NRG1: variants seen among roughly 807,000 people sequenced by gnomAD.
The protein encoded by NRG1 is neuregulin 1, also known as pro-neuregulin-1, membrane-bound isoform.
A neutral mutation model predicts 63.8 loss-of-function variants in NRG1; 18 were observed. The ratio of observed to expected loss-of-function variants is 0.28; its 90% CI spans 0.19 to 0.42. The LOEUF is 0.42. Ranked by LOEUF, NRG1 falls within the 10% of genes least tolerant of loss-of-function variation. The pLI is 1.00. For synonymous variants in NRG1, 302 were observed against 301.3 expected (o/e 1.00, Z -0.02); for missense variants, 762 against 814.7 (o/e 0.94, Z 0.79).
At chr8:32,335,735 T>A (rs1438345685) in intron 1 of NRG1, among the ~76,000 whole-genome samples, 1 of 152,100 alleles carries the variant, frequency 6.6e-6, no homozygotes, top group Non-Finnish European at 1.5e-5. Flanking sequence ...CTGTCTGTTA[T>A]TACCTTGCTT....
intron 1 of NRG1, among the ~76,000 whole-genome samples, chr8:31,824,790 C>T (rs1364239418): frequency 6.6e-6 from 1 of 152,130 alleles, no homozygotes; most frequent in African/African-American, 2.4e-5. Flanking sequence ...GTTAAATTTG[C>T]AGTGAGTTTC....
intron 1 of NRG1, among the ~76,000 whole-genome samples, chr8:32,316,566 C>G (rs1857420369): frequency 1.3e-5 from 2 of 151,894 alleles, no homozygotes; most frequent in South Asian, 4.2e-4. Context: ...CAAATCTTCT[C>G]TCTCTCGTTT....
intron 5 of NRG1, among the ~76,000 whole-genome samples, chr8:32,628,730 GC>G (rs1440780373): frequency 1.4e-5 from 2 of 147,644 alleles, no homozygotes; most frequent in East Asian, 2.0e-4. Flanking sequence ...AAAACTTTCT[GC>G]CCTTTTTTTT....
chr8:32,150,999 C>G (rs1480932621), intron 1 of NRG1, among the ~76,000 whole-genome samples: 1 of 152,050 alleles, frequency 6.6e-6, no homozygotes, highest in Non-Finnish European at 1.5e-5. Context: ...CAGCTGTCAA[C>G]TAGGATAGGG....
At chr8:31,886,587 G>C (rs941135815) in intron 1 of NRG1, among the ~76,000 whole-genome samples, 5 of 152,090 alleles carry the variant, frequency 3.3e-5, no homozygotes, top group African/African-American at 1.2e-4. Context: ...AGGATAATCA[G>C]CTCCAGCCAT....
At chr8:32,287,070 CT>C (rs1444197626) in intron 1 of NRG1, 11 of 152,316 alleles carry the variant, frequency 7.2e-5, no homozygotes, top group African/African-American at 2.6e-4. Flanking sequence ...GCCAAATAAA[CT>C]TATTTTCTTT....
At chr8:32,433,059 G>A (rs545295366) in intron 1 of NRG1, among the ~76,000 whole-genome samples, 1 of 152,166 alleles carries the variant, frequency 6.6e-6, no homozygotes, top group Admixed American at 6.6e-5. Flanking sequence ...AGGGGCTCTT[G>A]CACATGGCAC....
At chr8:32,283,186 C>A (rs987971878) in intron 1 of NRG1, among the ~76,000 whole-genome samples, 1 of 152,094 alleles carries the variant, frequency 6.6e-6, no homozygotes, top group African/African-American at 2.4e-5. Context: ...AGTAAAATAT[C>A]ATTTTGTTGT....
At chr8:31,898,032 A>AG (rs1189805900) in intron 1 of NRG1, among the ~76,000 whole-genome samples, 2 of 151,620 alleles carry the variant, frequency 1.3e-5, no homozygotes, top group African/African-American at 4.8e-5. Context: ...AAAAAAAAAA[A>AG]AAAGAGAGAG....
chr8:31,909,137 TGGC>T (rs1832749186), intron 1 of NRG1, among the ~76,000 whole-genome samples: 1 of 152,314 alleles, frequency 6.6e-6, no homozygotes, highest in East Asian at 1.9e-4. Flanking sequence ...TTGGCTTTAT[TGGC>T]CTTTAATATC....
intron 1 of NRG1, among the ~76,000 whole-genome samples, chr8:32,175,679 C>T (rs554918148): frequency 2.6e-5 from 4 of 152,200 alleles, no homozygotes; most frequent in East Asian, 3.9e-4. Flanking sequence ...GCATTCTTAT[C>T]CACCCATAAC....
intron 1 of NRG1, among the ~76,000 whole-genome samples, chr8:32,551,910 C>CTT (rs34051371): frequency 0.018 from 2,067 of 112,120 alleles, 67 homozygotes; most frequent in Middle Eastern, 0.04. Context: ...AAAACCAGAG[C>CTT]TTTTTTTTTT....
At chr8:32,698,579 A>T (rs1488178740) in intron 5 of NRG1, among the ~76,000 whole-genome samples, 1 of 152,170 alleles carries the variant, frequency 6.6e-6, no homozygotes, top group African/African-American at 2.4e-5. Context: ...CATTCACGGG[A>T]AGGAAGAAAG....
At chr8:32,655,315 G>C (rs1433583528) in intron 5 of NRG1, among the ~76,000 whole-genome samples, 1 of 152,266 alleles carries the variant, frequency 6.6e-6, no homozygotes, top group East Asian at 1.9e-4. Flanking sequence ...CTAGAAACTC[G>C]AGATCAAATA....
intron 1 of NRG1, among the ~76,000 whole-genome samples, chr8:32,213,521 G>C (rs750687352): frequency 2.0e-5 from 3 of 152,080 alleles, no homozygotes; most frequent in Non-Finnish European, 2.9e-5. Context: ...TTAATACATA[G>C]GTGATGGGTC....
chr8:32,110,293 GA>G (rs1055150224), intron 1 of NRG1, among the ~76,000 whole-genome samples: 1 of 145,232 alleles, frequency 6.9e-6, no homozygotes, highest in Non-Finnish European at 1.5e-5. Context: ...GGACAGGCTA[GA>G]AAAAAATGTC....
intron 1 of NRG1, among the ~76,000 whole-genome samples, chr8:32,330,376 G>C (rs1262007631): frequency 1.3e-5 from 2 of 152,228 alleles, no homozygotes; most frequent in East Asian, 1.9e-4. Context: ...GATAGGTCTA[G>C]AGAGTTGCCT....
chr8:31,678,025 G>C (rs1418951285), intron 1 of NRG1, among the ~76,000 whole-genome samples: 1 of 140,478 alleles, frequency 7.1e-6, no homozygotes, highest in Non-Finnish European at 1.6e-5. Flanking sequence ...TTCTGCCAAT[G>C]ATAAATTAAA....
At chr8:32,085,650 G>T (rs780067169) in intron 1 of NRG1, among the ~76,000 whole-genome samples, 3 of 152,036 alleles carry the variant, frequency 2.0e-5, no homozygotes, top group Non-Finnish European at 2.9e-5. Flanking sequence ...TATTCCTAAG[G>T]TCTTTATTGT....
Sources: gnomAD v4.1 joint callset for allele counts (sites outside exome capture counted in the v4.1 genomes callset) on GRCh38, gnomAD v4.1.1 for gene constraint, MANE v1.5 for transcripts, NCBI Gene and HGNC (gene_info 2026-07-23, HGNC 2026-07-21) for gene names.